The following SLC25A24 variants were observed in gnomAD, a reference collection of about 807,000 sequenced individuals.
SLC25A24 encodes the protein mitochondrial adenyl nucleotide antiporter SLC25A24.
SLC25A24 carries 49 observed loss-of-function variants against 60.7 expected under a neutral mutation model. That is an observed-to-expected ratio of 0.81 (90% CI 0.64 to 1.02). The LOEUF (loss-of-function observed/expected upper bound fraction) is 1.02. SLC25A24 is among the 50% of genes least tolerant of loss of function. The pLI is 0.00. For synonymous variants in SLC25A24, 202 were observed against 200.6 expected (o/e 1.01, Z -0.06); for missense variants, 564 against 586.3 (o/e 0.96, Z 0.39).
At chr1:108,197,586 T>C (rs1487912505) in intron 1 of SLC25A24, among the ~76,000 whole-genome samples, 3 of 152,200 alleles carry the variant, frequency 2.0e-5, no homozygotes, top group African/African-American at 7.2e-5. Flanking sequence ...CCATGTGTGA[T>C]GGTTAATTTT....
At chr1:108,154,568 G>C (rs6678223) in intron 6 of SLC25A24, among the ~76,000 whole-genome samples, 76,642 of 151,626 alleles carry the variant, frequency 0.51, 19,885 homozygotes, top group African/African-American at 0.62. Flanking sequence ...CTTCATGGAG[G>C]TGTCACTCCA....
chr1:108,143,646 T>C lies in SLC25A24; in HGVS notation c.995A>G (p.Lys332Arg), dbSNP rs1304216450. 1 of 1,613,794 alleles carries C rather than the reference T, an allele frequency of 6.2e-7. No homozygotes were observed. Among genetic ancestry groups the C allele is most frequent in the Admixed American group, 1.7e-5 (1 of 59,992 alleles). The change falls in exon 8 of 10, where the codon AAG becomes AGG. Residue 332 changes from lysine to arginine, a missense_variant. Physicochemically the swap from Lys to Arg is conservative, Grantham distance 26. Transcript: ENST00000565488. ...GQYSGIYDCA[K>R]KILKHEGLGA... Reference sequence around the variant, plus strand: ...CAAGCCTTCATGTTTCAAAATCTTCTTGGCACAATCATATATTCCAGAGTA... The same window carrying C: ...CAAGCCTTCATGTTTCAAAATCTTCCTGGCACAATCATATATTCCAGAGTA...
At chr1:108,149,788 T>C (rs1310166555) in intron 6 of SLC25A24, among the ~76,000 whole-genome samples, 1 of 152,104 alleles carries the variant, frequency 6.6e-6, no homozygotes, top group African/African-American at 2.4e-5. Flanking sequence ...CAGGGATCCT[T>C]CCCCTACATG....
intron 1 of SLC25A24, among the ~76,000 whole-genome samples, chr1:108,188,702 G>A (rs1469355416): frequency 6.6e-6 from 1 of 152,194 alleles, no homozygotes; most frequent in East Asian, 1.9e-4. Context: ...GAAGACAGGA[G>A]TCCAGCTCAA....
intron 9 of SLC25A24, among the ~76,000 whole-genome samples, chr1:108,137,886 T>G (rs1679332611): frequency 1.3e-5 from 2 of 152,240 alleles, no homozygotes; most frequent in Admixed American, 6.5e-5. Context: ...AAGAAACGTG[T>G]AGTTCACTAC....
At chr1:108,192,968 C>A (rs952420963) in intron 1 of SLC25A24, 3 of 207,072 alleles carry the variant, frequency 1.4e-5, no homozygotes, top group Non-Finnish European at 2.7e-5. Flanking sequence ...GCAACTCAAG[C>A]CCCTTTCCCC....
In SLC25A24 at chr1:108,139,247, T is replaced by C. The variant is rs776372639; in HGVS notation, c.1099-39A>G. 15 of 1,554,094 alleles carry C rather than the reference T, an allele frequency of 9.7e-6. No individual in the cohort carries two copies. In the Admixed American group the frequency reaches 9.7e-5, roughly 10 times the overall value. On this transcript the variant is annotated intron_variant, in intron 8 of 9. Coordinates refer to ENST00000565488, the MANE Select transcript of SLC25A24 (RefSeq NM_013386.5). ...AAAGAAGAAAATAATTAACGAACTC[T>C]ACAACTTCAACGTAAACATTTTCAC...
intron 3 of SLC25A24, among the ~76,000 whole-genome samples, chr1:108,161,503 C>A (rs985572332): frequency 6.6e-6 from 1 of 151,976 alleles, no homozygotes; most frequent in Admixed American, 6.6e-5. Flanking sequence ...AAAAATGGGC[C>A]CAAAAATTAC....
At chr1:108,144,737 A>G (rs4915104) in intron 7 of SLC25A24, among the ~76,000 whole-genome samples, 36,669 of 152,026 alleles carry the variant, frequency 0.24, 4,848 homozygotes, top group East Asian at 0.37. Context: ...AGCTTCATCC[A>G]TGTCCCTACA....
At chr1:108,160,288 G>A (rs1416510245) in intron 4 of SLC25A24, among the ~76,000 whole-genome samples, 1 of 151,572 alleles carries the variant, frequency 6.6e-6, no homozygotes, top group African/African-American at 2.4e-5. Flanking sequence ...GGGCGGCCGG[G>A]CAGAGACGCT....
chr1:108,161,603 G>A (rs945998982), intron 3 of SLC25A24, among the ~76,000 whole-genome samples: 3 of 152,088 alleles, frequency 2.0e-5, no homozygotes, highest in Non-Finnish European at 2.9e-5. Flanking sequence ...AATATTAAAC[G>A]ATGGTAATGA....
At chr1:108,196,198 A>C (rs1648493788) in intron 1 of SLC25A24, among the ~76,000 whole-genome samples, 2 of 152,180 alleles carry the variant, frequency 1.3e-5, no homozygotes, top group Non-Finnish European at 2.9e-5. Context: ...AAAAAATCAT[A>C]GAATGTAAGA....
chr1:108,182,464 A>G (rs1166844652), intron 2 of SLC25A24, among the ~76,000 whole-genome samples: 1 of 152,210 alleles, frequency 6.6e-6, no homozygotes, highest in South Asian at 2.1e-4. Flanking sequence ...TATGCAAAAC[A>G]TCATATATGA....
chr1:108,161,617 G>T (rs1189378291), intron 3 of SLC25A24, among the ~76,000 whole-genome samples: 1 of 152,126 alleles, frequency 6.6e-6, no homozygotes, highest in East Asian at 1.9e-4. Context: ...GTAATGAATA[G>T]ATTCATTATC....
At chr1:108,150,477 G>A (rs970581747) in intron 6 of SLC25A24, among the ~76,000 whole-genome samples, 1 of 152,118 alleles carries the variant, frequency 6.6e-6, no homozygotes, top group Non-Finnish European at 1.5e-5. Context: ...GTCTATCTCA[G>A]TTCTCTCCCA....
At chr1:108,184,379 G>C (rs1235627452) in intron 2 of SLC25A24, among the ~76,000 whole-genome samples, 10 of 152,206 alleles carry the variant, frequency 6.6e-5, no homozygotes, top group Non-Finnish European at 1.3e-4. Context: ...AAAGAAAACT[G>C]AGTTTTGCTA....
At chr1:108,184,307 C>G (rs1460398173) in intron 2 of SLC25A24, among the ~76,000 whole-genome samples, 1 of 152,210 alleles carries the variant, frequency 6.6e-6, no homozygotes. Flanking sequence ...CACAGACAAT[C>G]TGACCTGCAA....
chr1:108,179,329 G>A (rs1647829024), intron 3 of SLC25A24, among the ~76,000 whole-genome samples: 2 of 152,004 alleles, frequency 1.3e-5, no homozygotes, highest in Non-Finnish European at 2.9e-5. Flanking sequence ...AAAGCAGTAT[G>A]GAGTTCCTTT....
chr1:108,199,822 C>T, intron 1 of SLC25A24, 134 bp downstream of exon 1: 1 of 707,442 alleles, frequency 1.4e-6, no homozygotes, highest in Non-Finnish European at 2.3e-6. Flanking sequence ...TCTGAAGCCA[C>T]CGGAGCGCTG....
Sources: gnomAD v4.1 joint callset for allele counts (sites outside exome capture counted in the v4.1 genomes callset) on GRCh38, gnomAD v4.1.1 for gene constraint, MANE v1.5 for transcripts, NCBI Gene and HGNC (gene_info 2026-07-23, HGNC 2026-07-21) for gene names.